The following PKIA variants were observed in gnomAD, a reference collection of about 807,000 sequenced individuals.
PKIA encodes PKI-alpha.
Under a neutral mutation model 7.6 loss-of-function variants are expected in PKIA, and 4 were observed. That is an observed-to-expected ratio of 0.52 (90% CI 0.26 to 1.20). The LOEUF is 1.20. Among genes scored for constraint, PKIA ranks in the 50% most tolerant of loss-of-function variants. PKIA has a pLI of 0.13. For missense variants in PKIA, 73 were observed against 86.2 expected (o/e 0.85, Z 0.61); for synonymous variants, 21 against 30.7 (o/e 0.68, Z 1.04).
chr8:78,549,124 A>T (rs111325374), intron 1 of PKIA, among the ~76,000 whole-genome samples: 1 of 152,094 alleles, frequency 6.6e-6, no homozygotes, highest in African/African-American at 2.4e-5. Context: ...GGGTATATGT[A>T]TATGGGTGTT....
At chr8:78,532,194 C>CT (rs1261331337) in intron 1 of PKIA, among the ~76,000 whole-genome samples, 1 of 151,798 alleles carries the variant, frequency 6.6e-6, no homozygotes, top group Non-Finnish European at 1.5e-5. Flanking sequence ...ATAATTCTAC[C>CT]TTTTCTTAAA....
chr8:78,539,429 T>A (rs1806616956), intron 1 of PKIA, among the ~76,000 whole-genome samples: 2 of 152,122 alleles, frequency 1.3e-5, no homozygotes, highest in South Asian at 4.1e-4. Flanking sequence ...TTACTTCTGT[T>A]TCTCAGATTT....
chr8:78,595,258 C>G (rs923771401), intron 2 of PKIA, among the ~76,000 whole-genome samples: 1 of 152,068 alleles, frequency 6.6e-6, no homozygotes, highest in Admixed American at 6.5e-5. Flanking sequence ...TCACGTAGGA[C>G]TGGACCTAGA....
rs186953380 is a variant in PKIA, at chr8:78,542,768, G to T, written c.-157+26300G>T. ...AAATACCAAGATGCCCCTCCTACCT[G>T]TACTCTCTTTTGTATTCCCAGTCAT... On this transcript the variant is annotated intron_variant, in intron 1 of 3. Transcript: ENST00000396418. Among the ~76,000 whole-genome samples, 18 of 152,106 alleles carry T rather than the reference G, an allele frequency of 1.2e-4. No individual in the cohort carries two copies. In the East Asian group the frequency reaches 3.1e-3, roughly 26 times the overall value.
intron 2 of PKIA, among the ~76,000 whole-genome samples, chr8:78,577,455 C>G (rs1257611034): frequency 1.3e-5 from 2 of 151,410 alleles, no homozygotes; most frequent in Non-Finnish European, 3.0e-5. Context: ...ATGAGTTTAC[C>G]TATATAACAA....
intron 2 of PKIA, among the ~76,000 whole-genome samples, chr8:78,583,537 T>C (rs1208111819): frequency 1.3e-5 from 2 of 152,178 alleles, no homozygotes; most frequent in African/African-American, 4.8e-5. Flanking sequence ...TTTTTGTAAG[T>C]CTCGAAATGC....
At chr8:78,575,637 G>A (rs1279992976) in intron 2 of PKIA, among the ~76,000 whole-genome samples, 3 of 151,936 alleles carry the variant, frequency 2.0e-5, no homozygotes, top group East Asian at 1.9e-4. Flanking sequence ...GTGTAACCAC[G>A]ATTAGAACTG....
intron 1 of PKIA, among the ~76,000 whole-genome samples, chr8:78,542,534 A>C (rs191687357): frequency 6.6e-6 from 1 of 152,252 alleles, no homozygotes; most frequent in Admixed American, 6.5e-5. Flanking sequence ...GCCAACCACT[A>C]TCTGTTCTGC....
chr8:78,521,476 C>T (rs78899154), intron 1 of PKIA, among the ~76,000 whole-genome samples: 7,010 of 151,574 alleles, frequency 0.046, 237 homozygotes, highest in South Asian at 0.074. Flanking sequence ...ATTTAAAGAG[C>T]GTTCAAAGAG....
At chr8:78,521,613 TTATAAC>T (rs1809418649) in intron 1 of PKIA, among the ~76,000 whole-genome samples, 1 of 152,042 alleles carries the variant, frequency 6.6e-6, no homozygotes, top group Admixed American at 6.6e-5. Context: ...CAAAATAAGA[TTATAAC>T]TATATAAGTG....
intron 2 of PKIA, among the ~76,000 whole-genome samples, chr8:78,580,168 A>G (rs1228910303): frequency 6.6e-6 from 1 of 152,052 alleles, no homozygotes; most frequent in African/African-American, 2.4e-5. Context: ...ATTTAGATAA[A>G]TATTATAAAT....
At chr8:78,539,973 A>T (rs1806635208) in intron 1 of PKIA, among the ~76,000 whole-genome samples, 1 of 152,002 alleles carries the variant, frequency 6.6e-6, no homozygotes, top group Admixed American at 6.6e-5. Context: ...GATAAAAGAG[A>T]TAGGAAAAAA....
rs1250105262 is a variant in PKIA, at chr8:78,598,475, G to A, written c.91G>A (p.Ala31Thr). The stretch of plus-strand genomic sequence containing the variant: ...AATACATGATATCCTGGTTTCCTCT[G>A]CAAGTGGCAACAGCAATGAATTAGC... ...NAIHDILVSS[A>T]SGNSNELALK... is the part of the protein sequence containing the mutation. Residue 31 changes from alanine to threonine, a missense_variant, in exon 3 of 4, where the codon GCA becomes ACA. Ala to Thr is a moderately conservative substitution (Grantham distance 58). Transcript: ENST00000396418. 3.1e-6 allele frequency: 5 copies of A among 1,611,376 alleles called. No individual in the cohort carries two copies. Among genetic ancestry groups the A allele is most frequent in the Non-Finnish European group, 4.2e-6 (5 of 1,178,104 alleles).
At chr8:78,581,557 A>T (rs954615223) in intron 2 of PKIA, among the ~76,000 whole-genome samples, 5 of 152,094 alleles carry the variant, frequency 3.3e-5, no homozygotes, top group Non-Finnish European at 7.4e-5. Context: ...ATGTGGTGAG[A>T]ATAGAGCTTC....
At chr8:78,552,263 A>G (rs982021872) in intron 1 of PKIA, among the ~76,000 whole-genome samples, 4 of 151,816 alleles carry the variant, frequency 2.6e-5, no homozygotes, top group African/African-American at 9.7e-5. Context: ...AATAAAAGAA[A>G]TATCTATTTT....
intron 1 of PKIA, among the ~76,000 whole-genome samples, chr8:78,524,885 T>A (rs1809512695): frequency 6.6e-6 from 1 of 151,866 alleles, no homozygotes; most frequent in Non-Finnish European, 1.5e-5. Flanking sequence ...ATACAGGAGA[T>A]TACAAAACAT....
chr8:78,566,433 G>A (rs939194541), intron 1 of PKIA, among the ~76,000 whole-genome samples: 16 of 152,008 alleles, frequency 1.1e-4, no homozygotes, highest in Non-Finnish European at 1.8e-4. Context: ...AAAGCTATAT[G>A]TTCTGTAGCT....
chr8:78,524,308 A>G (rs1356460648), intron 1 of PKIA, among the ~76,000 whole-genome samples: 1 of 149,668 alleles, frequency 6.7e-6, no homozygotes, highest in Non-Finnish European at 1.5e-5. Context: ...ATTTTTAGAA[A>G]TGATTCATTC....
chr8:78,520,878 A>G (rs1057249171), intron 1 of PKIA, among the ~76,000 whole-genome samples: 7 of 152,154 alleles, frequency 4.6e-5, no homozygotes, highest in African/African-American at 1.7e-4. Flanking sequence ...GTCCTTTATT[A>G]GCCCTTACAT....
Sources: allele counts gnomAD v4.1 joint callset (sites outside exome capture counted in the v4.1 genomes callset), GRCh38; gene constraint gnomAD v4.1.1; transcripts MANE v1.5; gene names NCBI Gene and HGNC (gene_info 2026-07-23, HGNC 2026-07-21).